NAV2: variants seen among roughly 807,000 people sequenced by gnomAD.
NAV2 encodes neuron navigator 2, also known as helicase, APC down-regulated 1.
In NAV2, 54 loss-of-function variants were observed where a neutral mutation model predicts 223.2. The observed-to-expected ratio is 0.24, with a 90% CI of 0.19 to 0.30. The LOEUF is 0.30. Among genes scored for constraint, NAV2 ranks in the 10% least tolerant of loss-of-function variants. The pLI is 1.00. For missense variants in NAV2, 2,806 were observed against 3,147.5 expected, an observed-to-expected ratio of 0.89 and a Z score of 2.60; for synonymous variants, 1,279 against 1,239.3, an observed-to-expected ratio of 1.03 and a Z score of -0.67.
intron 1 of NAV2, among the ~76,000 whole-genome samples, chr11:19,653,422 C>G (rs745975605): frequency 1.3e-5 from 2 of 152,180 alleles, no homozygotes; most frequent in African/African-American, 4.8e-5. Flanking sequence ...CTCTTCTAAG[C>G]GCCAGGCATT....
chr11:19,786,254 A>T, intron 1 of NAV2, among the ~76,000 whole-genome samples: 1 of 152,214 alleles, frequency 6.6e-6, no homozygotes, highest in East Asian at 1.9e-4. Flanking sequence ...TCACAGTGGC[A>T]GTTGTGGTTA....
rs143689480 is a variant in NAV2, at chr11:19,467,455, A to T, written c.75+116428A>T. On this transcript the variant is annotated intron_variant, in intron 1 of 37. Coordinates refer to the NAV2 transcript ENST00000360655. Reference sequence around the variant, plus strand: ...AAAAACCATGAACTTAAGACAAGAAAATCACTCGTGGTGTTCGCAACTGAC... The same window carrying T: ...AAAAACCATGAACTTAAGACAAGAATATCACTCGTGGTGTTCGCAACTGAC... Among the ~76,000 whole-genome samples, 798 of 152,348 alleles carry T rather than the reference A, an allele frequency of 5.2e-3. 6 individuals carry two copies. Among genetic ancestry groups the T allele is most frequent in the African/African-American group, 0.018 (761 of 41,578 alleles).
At chr11:19,928,320 A>G (rs1184586168) in intron 6 of NAV2, among the ~76,000 whole-genome samples, 3 of 152,236 alleles carry the variant, frequency 2.0e-5, no homozygotes, top group South Asian at 4.1e-4. Flanking sequence ...TGTTTCTAAT[A>G]TATCTAATAA....
At chr11:20,106,155 GTA>G (rs1554968868) in intron 35 of NAV2, among the ~76,000 whole-genome samples, 525 of 31,474 alleles carry the variant, frequency 0.017, 33 homozygotes, top group South Asian at 0.15. Flanking sequence ...GTGTGTGTGT[GTA>G]TATATATATA....
chr11:20,094,895 A>G (rs1386022220), intron 29 of NAV2, among the ~76,000 whole-genome samples: 2 of 152,194 alleles, frequency 1.3e-5, no homozygotes, highest in African/African-American at 4.8e-5. Context: ...ATGAGCATGT[A>G]AAAACCCAAT....
intron 1 of NAV2, among the ~76,000 whole-genome samples, chr11:19,616,710 T>C (rs1045087863): frequency 3.3e-5 from 5 of 151,892 alleles, no homozygotes; most frequent in African/African-American, 1.2e-4. Context: ...AGGCCTAGGA[T>C]GGCTCCTCTG....
intron 1 of NAV2, among the ~76,000 whole-genome samples, chr11:19,592,322 CA>C (rs2046083794): frequency 6.6e-6 from 1 of 152,114 alleles, no homozygotes; most frequent in African/African-American, 2.4e-5. Flanking sequence ...TTTCCTGCAT[CA>C]CTGCCTTCTT....
intron 1 of NAV2, among the ~76,000 whole-genome samples, chr11:19,649,497 T>G (rs970284163): frequency 1.3e-5 from 2 of 152,296 alleles, no homozygotes; most frequent in Middle Eastern, 3.4e-3. Context: ...GCAGATTTGG[T>G]GTTTTGTGAA....
chr11:19,493,110 G>C (rs532562484), intron 1 of NAV2, among the ~76,000 whole-genome samples: 92 of 152,280 alleles, frequency 6.0e-4, no homozygotes, highest in African/African-American at 2.1e-3. Context: ...TTCACACAGT[G>C]CCCAGCTCAG....
intron 34 of NAV2, 147 bp from the exon 35 acceptor site, chr11:20,105,384 A>G: frequency 3.3e-6 from 2 of 606,710 alleles, no homozygotes; most frequent in South Asian, 2.3e-5. Context: ...CATAGTTACA[A>G]TGTTTAGAAG....
At chr11:19,679,118 T>C (rs1294687875) in intron 1 of NAV2, among the ~76,000 whole-genome samples, 1 of 152,228 alleles carries the variant, frequency 6.6e-6, no homozygotes, top group Non-Finnish European at 1.5e-5. Flanking sequence ...TGAGAGGAAT[T>C]AGTCCAAAAT....
chr11:20,003,540 G>A (rs945222770), intron 11 of NAV2, among the ~76,000 whole-genome samples: 1 of 152,148 alleles, frequency 6.6e-6, no homozygotes, highest in Non-Finnish European at 1.5e-5. Flanking sequence ...AGCGTGCCAG[G>A]TGTGGGACAC....
intron 20 of NAV2, among the ~76,000 whole-genome samples, chr11:20,062,571 T>C (rs999444181): frequency 6.6e-6 from 1 of 152,246 alleles, no homozygotes; most frequent in African/African-American, 2.4e-5. Context: ...CTTGTTAAAG[T>C]GGCATTGTGC....
rs189897511 is a variant in NAV2 at position 19,406,611 on chromosome 11, C to T, written c.75+55584C>T. 5.3e-5 allele frequency among the ~76,000 whole-genome samples: 8 copies of T among 152,186 alleles called. No individual in the cohort carries two copies. The East Asian group carries it at 5.8e-4, about 11-fold the overall frequency. On this transcript the variant is annotated intron_variant, in intron 1 of 37. Coordinates refer to the NAV2 transcript ENST00000360655. Reference sequence around the variant, plus strand: ...TTCCCTTGAGATGGGCTCATGTCCCCGGGAGGCTCTTCCTCTTTCCCCTCA... The same window carrying T: ...TTCCCTTGAGATGGGCTCATGTCCCTGGGAGGCTCTTCCTCTTTCCCCTCA...
chr11:19,802,188 G>C (rs2058308004), intron 1 of NAV2, among the ~76,000 whole-genome samples: 1 of 152,116 alleles, frequency 6.6e-6, no homozygotes, highest in African/African-American at 2.4e-5. Context: ...AGAGTTTTCT[G>C]AGATTAGTGT....
intron 1 of NAV2, among the ~76,000 whole-genome samples, chr11:19,524,038 C>T (rs531214700): frequency 1.3e-5 from 2 of 152,344 alleles, no homozygotes; most frequent in African/African-American, 4.8e-5. Context: ...TCTGTTCCCA[C>T]AGCCTCTGAC....
At chr11:20,029,706 C>T (rs529763825) in intron 11 of NAV2, among the ~76,000 whole-genome samples, 11 of 152,262 alleles carry the variant, frequency 7.2e-5, no homozygotes, top group African/African-American at 2.6e-4. Flanking sequence ...AAGCCCTTGG[C>T]TAAGGGTCTA....
chr11:19,717,255 C>CA (rs1406445089), intron 1 of NAV2, among the ~76,000 whole-genome samples: 6 of 152,240 alleles, frequency 3.9e-5, no homozygotes, highest in African/African-American at 1.4e-4. Flanking sequence ...ATCTACGAGG[C>CA]AAATAGGACA....
intron 1 of NAV2, among the ~76,000 whole-genome samples, chr11:19,379,978 T>C (rs952973084): frequency 6.6e-6 from 1 of 151,666 alleles, no homozygotes; most frequent in African/African-American, 2.4e-5. Context: ...TAGACATATA[T>C]AATAAAATTA....
Sources: allele counts gnomAD v4.1 joint callset (sites outside exome capture counted in the v4.1 genomes callset), GRCh38; gene constraint gnomAD v4.1.1; transcripts MANE v1.5; gene names NCBI Gene and HGNC (gene_info 2026-07-23, HGNC 2026-07-21).